The following ATP12A variants were observed in gnomAD, a reference collection of about 807,000 sequenced individuals.
ATP12A encodes potassium-transporting ATPase alpha chain 2.
A neutral mutation model predicts 111.2 loss-of-function variants in ATP12A; 81 were observed. That is an observed-to-expected ratio of 0.73 (90% CI 0.61 to 0.88). ATP12A has a LOEUF of 0.88. Ranked by LOEUF, ATP12A falls within the 40% of genes least tolerant of loss-of-function variation. ATP12A has a pLI of 0.00. For synonymous variants in ATP12A, 498 were observed against 499.8 expected (o/e 1.00, Z 0.05); for missense variants, 1,196 against 1,313.1 (o/e 0.91, Z 1.38).
chr13:24,707,050 G>A lies in ATP12A; in HGVS notation c.2197G>A (p.Gly733Arg), dbSNP rs1566077545. The change falls in exon 16 of 23, where the codon GGA becomes AGA. Residue 733 changes from glycine to arginine, a missense_variant. Physicochemically the swap from Gly to Arg is moderately radical, Grantham distance 125 (BLOSUM62 -2). Coordinates refer to ENST00000381946, the MANE Select transcript of ATP12A (RefSeq NM_001676.7). Reference sequence around the variant, plus strand: ...TGCTGTTGTTGCTGTGACCGGGGATGGAGTTAATGACTCTCCGGCTCTAAA... The same window carrying A: ...TGCTGTTGTTGCTGTGACCGGGGATAGAGTTAATGACTCTCCGGCTCTAAA... ...QDAVVAVTGD[G>R]VNDSPALKKA... 1 of 1,611,492 alleles carries A rather than the reference G, an allele frequency of 6.2e-7. No individual in the cohort carries two copies. The highest frequency in any genetic ancestry group is 1.7e-5 in the Admixed American group (1 of 59,768).
chr13:24,693,635 A>G (rs1267945081), intron 10 of ATP12A, among the ~76,000 whole-genome samples: 3 of 152,180 alleles, frequency 2.0e-5, no homozygotes, highest in Admixed American at 2.0e-4. Context: ...TGCACAAATC[A>G]TGCTTGTTAA....
At chr13:24,688,068 G>C (rs889808830) in intron 3 of ATP12A, among the ~76,000 whole-genome samples, 18 of 152,154 alleles carry the variant, frequency 1.2e-4, no homozygotes, top group Admixed American at 6.5e-5. Flanking sequence ...CCTGCCTCAA[G>C]GGTTATTTTA....
Position 24,692,808 on chromosome 13 carries a change from C to G in ATP12A, c.1289C>G (p.Ser430Cys). Reference protein sequence around the residue: ...DHSNQVFDQSSRTWASLSKII... With the variant: ...DHSNQVFDQSCRTWASLSKII... ...CCAGACCAAGTCTTTGACCAAAGCT[C>G]TAGGACTTGGGCCTCCTTATCCAAG... The change falls in exon 10 of 23, where the codon TCT becomes TGT. Residue 430 changes from serine (S) to cysteine (C), a missense_variant. By Grantham distance (112) the Ser-to-Cys change is moderately radical (BLOSUM62 -1). Coordinates refer to ENST00000381946, the MANE Select transcript of ATP12A (RefSeq NM_001676.7). The G allele has an allele frequency of 5.6e-6, 9 of 1,614,184 alleles. No homozygotes were observed. The highest frequency in any genetic ancestry group is 7.6e-6 in the Non-Finnish European group (9 of 1,180,034).
chr13:24,707,560 TA>T, intron 17 of ATP12A, 127 bp downstream of exon 17: 5 of 1,257,630 alleles, frequency 4.0e-6, no homozygotes, highest in Non-Finnish European at 5.5e-6. Context: ...ATGGGGCCTG[TA>T]GCTCTGCATT....
At chr13:24,705,859 A>G (rs1875607289) in intron 14 of ATP12A, among the ~76,000 whole-genome samples, 1 of 152,020 alleles carries the variant, frequency 6.6e-6, no homozygotes. Context: ...TTTTGTAGAG[A>G]CAGGGGCTCT....
Position 24,689,359 on chromosome 13 carries a change from A to G in ATP12A, c.530A>G (p.Asn177Ser), listed in dbSNP as rs750275565. The change falls in exon 5 of 23, where the codon AAT becomes AGT. Residue 177 changes from asparagine to serine, a missense_variant. Transcript: ENST00000381946. ...AGCACCAACATCATGTCCAGCTTCAATAAGATGATCCCTCAGGTGAGTGGC... is the reference window on the plus strand; with the variant it reads ...AGCACCAACATCATGTCCAGCTTCAGTAAGATGATCCCTCAGGTGAGTGGC... ...AKSTNIMSSF[N>S]KMIPQQALVI... The G allele has an allele frequency of 1.2e-6, 2 of 1,614,002 alleles. No homozygotes were observed. Among genetic ancestry groups the G allele is most frequent in the Non-Finnish European group, 1.7e-6 (2 of 1,179,900 alleles).
intron 12 of ATP12A, among the ~76,000 whole-genome samples, chr13:24,699,075 G>C (rs1203492455): frequency 6.6e-6 from 1 of 152,202 alleles, no homozygotes; most frequent in Non-Finnish European, 1.5e-5. Context: ...TATGGAAGGA[G>C]TTAAATTTCA....
chr13:24,691,212 G>T lies in ATP12A; in HGVS notation c.1030G>T (p.Val344Leu). The T allele has an allele frequency of 6.2e-7, 1 of 1,613,870 alleles. No homozygotes were observed. Among genetic ancestry groups the T allele is most frequent in the South Asian group, 1.1e-5 (1 of 91,056 alleles). Residue 344 changes from valine (V) to leucine (L), a missense_variant, in exon 8 of 23, where the codon GTG becomes TTG. Physicochemically the swap from Val to Leu is conservative, Grantham distance 32 (BLOSUM62 1). Around this residue, in one of 3 missense-constraint regions of ATP12A, gnomAD observed 1,126 missense variants for 1,228.5 expected, o/e 0.92. Coordinates refer to ENST00000381946, the MANE Select transcript of ATP12A (RefSeq NM_001676.7). ...CATCATCTTCCTCATTGGCATCATT[G>T]TGGCCAATGTGCCCGAGGGCCTCCT... Reference protein sequence around the residue: ...DSIIFLIGIIVANVPEGLLAT... With the variant: ...DSIIFLIGIILANVPEGLLAT...
At chr13:24,693,649 C>A (rs1875005504) in intron 10 of ATP12A, among the ~76,000 whole-genome samples, 1 of 152,202 alleles carries the variant, frequency 6.6e-6, no homozygotes, top group African/African-American at 2.4e-5. Flanking sequence ...TTGTTAACTT[C>A]CACCCGTACC....
At chr13:24,711,432 G>A (rs770666689) in intron 22 of ATP12A, 23 bp downstream of exon 22, 30 of 1,614,020 alleles carry the variant, frequency 1.9e-5, no homozygotes, top group Non-Finnish European at 2.4e-5. Flanking sequence ...TGATTTTAGA[G>A]GCTCTGTTTA....
In ATP12A at chr13:24,681,576, T is replaced by G. The variant is rs771424580; in HGVS notation, c.24T>G (p.Ile8Met). The change falls in exon 2 of 23, where the codon ATT becomes ATG. Residue 8 changes from isoleucine (I) to methionine (M), a missense_variant. Coordinates refer to ENST00000381946, the MANE Select transcript of ATP12A (RefSeq NM_001676.7). ...TTCTCTTTCAGAAAACCCCAGAAAT[T>G]TACTCCGTGGAGCTCAGCGGAACTA... MHQKTPE[I>M]YSVELSGTKD... 5.0e-6 allele frequency: 8 copies of G among 1,611,074 alleles called. No individual in the cohort carries two copies. Among genetic ancestry groups the G allele is most frequent in the Non-Finnish European group, 6.8e-6 (8 of 1,179,344 alleles).
intron 17 of ATP12A, among the ~76,000 whole-genome samples, chr13:24,708,938 AAAGAAAGAAAGAAAGAAAGAAAGAAGG>A (rs1875812508): frequency 8.1e-6 from 1 of 123,416 alleles, no homozygotes; most frequent in African/African-American, 2.9e-5. Context: ...AGAAAGAAAG[AAAGAAAGAAAGAAAGAAAGAAAGAAGG>A]AAAGAGAAAG....
chr13:24,702,277 A>G (rs1440773103), intron 14 of ATP12A, among the ~76,000 whole-genome samples: 1 of 152,240 alleles, frequency 6.6e-6, no homozygotes, highest in Non-Finnish European at 1.5e-5. Context: ...GATACCATGA[A>G]ATGACCCTTT....
intron 14 of ATP12A, among the ~76,000 whole-genome samples, chr13:24,705,019 T>A (rs910048433): frequency 1.8e-4 from 28 of 152,128 alleles, no homozygotes; most frequent in Non-Finnish European, 1.5e-5. Flanking sequence ...TTTTGTTTTG[T>A]TTTTTTGCCA....
intron 10 of ATP12A, among the ~76,000 whole-genome samples, chr13:24,693,214 C>A (rs1874987744): frequency 1.3e-5 from 2 of 152,150 alleles, no homozygotes; most frequent in African/African-American, 4.8e-5. Context: ...ATATACACAC[C>A]ATTCATGGAA....
Position 24,700,736 on chromosome 13 carries a change from C to A in ATP12A, c.1706-11C>A, listed in dbSNP as rs1057328559. ...TAGTTTCACTGACTCACTAATTCATCTGTATTACAGGTTTCTGTCATCTCT... is the reference window on the plus strand; with the variant it reads ...TAGTTTCACTGACTCACTAATTCATATGTATTACAGGTTTCTGTCATCTCT... On this transcript the variant is annotated splice_polypyrimidine_tract_variant and intron_variant, in intron 12 of 22. Coordinates refer to ENST00000381946, the MANE Select transcript of ATP12A (RefSeq NM_001676.7). The A allele has an allele frequency of 1.9e-6, 3 of 1,601,298 alleles. No homozygotes were observed. Among genetic ancestry groups the A allele is most frequent in the African/African-American group, 1.3e-5 (1 of 74,578 alleles).
At chr13:24,702,416 A>G (rs1593141020) in intron 14 of ATP12A, among the ~76,000 whole-genome samples, 1 of 152,236 alleles carries the variant, frequency 6.6e-6, no homozygotes, top group Non-Finnish European at 1.5e-5. Context: ...GCAGTTGCAT[A>G]ATTTGGAATC....
intron 8 of ATP12A, among the ~76,000 whole-genome samples, chr13:24,691,935 AAGAACCCTTTG>A (rs1305754614): frequency 6.6e-6 from 1 of 152,236 alleles, no homozygotes; most frequent in Non-Finnish European, 1.5e-5. Flanking sequence ...TTGGAGCCAA[AAGAACCCTTTG>A]AGATCTAGGG....
chr13:24,680,826 G>A (rs954080283), intron 1 of ATP12A, 74 bp downstream of exon 1: 3 of 1,418,670 alleles, frequency 2.1e-6, no homozygotes, highest in Middle Eastern at 1.9e-4. Context: ...GCAGGCTGAC[G>A]GGAAGCGAGG....
Sources: gnomAD v4.1 joint callset for allele counts (sites outside exome capture counted in the v4.1 genomes callset) on GRCh38, gnomAD v4.1.1 for gene constraint, gnomAD v4.1.1 regional missense constraint, MANE v1.5 for transcripts, NCBI Gene and HGNC (gene_info 2026-07-23, HGNC 2026-07-21) for gene names.